The following TCF12 variants were observed in gnomAD, a reference collection of about 807,000 sequenced individuals.
The protein encoded by TCF12 is DNA-binding protein HTF4.
Under a neutral mutation model 86.0 loss-of-function variants are expected in TCF12, and 45 were observed. That is an observed-to-expected ratio of 0.52 (90% confidence interval 0.41 to 0.67). The LOEUF (loss-of-function observed/expected upper bound fraction) is 0.67. Ranked by LOEUF, TCF12 falls within the 30% of genes least tolerant of loss-of-function variation. The pLI, the probability that TCF12 is intolerant of heterozygous loss-of-function variation, is 0.00. For synonymous variants in TCF12, 330 were observed against 299.6 expected (o/e 1.10, Z -1.05); for missense variants, 881 against 859.9 (o/e 1.02, Z -0.31).
At chr15:57,264,706 C>T (rs1479436120) in intron 18 of TCF12, among the ~76,000 whole-genome samples, 3 of 152,144 alleles carry the variant, frequency 2.0e-5, no homozygotes, top group African/African-American at 7.2e-5. Flanking sequence ...GAAGCTGTCT[C>T]TCCTAAGGTA....
chr15:57,223,514 T>C (rs978924852), intron 8 of TCF12, among the ~76,000 whole-genome samples: 1 of 152,000 alleles, frequency 6.6e-6, no homozygotes, highest in African/African-American at 2.4e-5. Flanking sequence ...AAGCAAATTT[T>C]TGTCAACTTT....
intron 3 of TCF12, among the ~76,000 whole-genome samples, chr15:56,947,055 C>T (rs1053709756): frequency 4.6e-5 from 7 of 152,122 alleles, no homozygotes; most frequent in African/African-American, 7.2e-5. Context: ...TCCTCGGCTT[C>T]GCAAATTGCT....
At chr15:56,946,219 G>T (rs1159605830) in intron 3 of TCF12, among the ~76,000 whole-genome samples, 2 of 151,984 alleles carry the variant, frequency 1.3e-5, no homozygotes, top group Admixed American at 6.6e-5. Context: ...TTCCTTCTAG[G>T]ACTTCAATTA....
chr15:57,213,254 G>A (rs1273771718), intron 8 of TCF12, among the ~76,000 whole-genome samples: 1 of 152,138 alleles, frequency 6.6e-6, no homozygotes, highest in Admixed American at 6.5e-5. Flanking sequence ...TGTTAAGAAT[G>A]GTCACCAGAA....
rs568662565 is a variant in TCF12 at position 57,056,352 on chromosome 15, A to G, written c.149-7398A>G. 1.6e-4 allele frequency among the ~76,000 whole-genome samples: 25 copies of G among 151,902 alleles called. No individual in the cohort carries two copies. The East Asian group carries it at 3.3e-3, about 20-fold the overall frequency. On this transcript the variant is annotated intron_variant, in intron 3 of 20. Coordinates refer to ENST00000333725, the MANE Select transcript of TCF12 (RefSeq NM_207037.2). ...AGATGGGGTGTCAGCATGTTGGTCA[A>G]TCTGGTCTCGAACTCCTGACCTCAG...
chr15:57,104,323 A>T (rs1276461525), intron 5 of TCF12, among the ~76,000 whole-genome samples: 4 of 151,788 alleles, frequency 2.6e-5, no homozygotes, highest in Non-Finnish European at 5.9e-5. Context: ...CAAAAATATT[A>T]TTGGCAGACT....
chr15:57,209,255 T>A (rs1425953465), intron 8 of TCF12, among the ~76,000 whole-genome samples: 1 of 152,212 alleles, frequency 6.6e-6, no homozygotes, highest in African/African-American at 2.4e-5. Flanking sequence ...AACTGAATTA[T>A]ATGTCCCATT....
chr15:57,009,639 G>C (rs2064699999), intron 3 of TCF12, among the ~76,000 whole-genome samples: 1 of 152,184 alleles, frequency 6.6e-6, no homozygotes, highest in African/African-American at 2.4e-5. Flanking sequence ...TTTACAGCAA[G>C]GGAGTTGGAG....
chr15:56,925,528 G>C (rs1481623701), intron 3 of TCF12, among the ~76,000 whole-genome samples: 2 of 152,032 alleles, frequency 1.3e-5, no homozygotes, highest in Non-Finnish European at 2.9e-5. Flanking sequence ...ATACTTAATT[G>C]GGCAATAAAC....
At chr15:57,121,125 C>G (rs993115855) in intron 5 of TCF12, among the ~76,000 whole-genome samples, 1 of 152,162 alleles carries the variant, frequency 6.6e-6, no homozygotes, top group Non-Finnish European at 1.5e-5. Flanking sequence ...CTGGAGCTGA[C>G]ATACATTCCA....
Position 57,104,435 on chromosome 15 carries a change from C to CTTTT in TCF12, c.325+12565_325+12568dup, listed in dbSNP as rs71113062. 2.1e-3 allele frequency among the ~76,000 whole-genome samples: 214 copies of CTTTT among 103,222 alleles called. 2 individuals are homozygous for CTTTT. The highest frequency in any genetic ancestry group is 3.2e-3 in the Admixed American group (26 of 8,036). The allele number at this position is 103,222 out of a possible 152,430, so 67.7% of individuals were successfully genotyped here. A position where few individuals can be genotyped will look rare whatever the true frequency, so the allele number is the denominator to read the frequency against. ...AGCCACAAGAATAAATTTTTTTTTT[C>CTTTT]TTTTTTTTTTTTTTTTTTTTTTTTG... On this transcript the variant is annotated intron_variant, in intron 5 of 20. Transcript: ENST00000333725.
intron 5 of TCF12, among the ~76,000 whole-genome samples, chr15:57,144,590 A>T (rs533383743): frequency 1.4e-3 from 215 of 152,244 alleles, no homozygotes; most frequent in Non-Finnish European, 2.7e-3. Context: ...AAATGACGTA[A>T]CTTCGTTTGT....
intron 5 of TCF12, among the ~76,000 whole-genome samples, chr15:57,126,645 G>A (rs1416711690): frequency 1.3e-5 from 2 of 152,094 alleles, no homozygotes; most frequent in African/African-American, 2.4e-5. Context: ...TGTCATTGAT[G>A]TGCCCTAAAC....
chr15:57,005,458 C>G (rs929050897), intron 3 of TCF12, among the ~76,000 whole-genome samples: 2 of 152,208 alleles, frequency 1.3e-5, no homozygotes, highest in African/African-American at 4.8e-5. Flanking sequence ...TCAACTGTCT[C>G]CCATAGATCT....
At chr15:57,197,917 G>A (rs1463545616) in intron 8 of TCF12, 92 bp downstream of exon 8, 26 of 1,250,700 alleles carry the variant, frequency 2.1e-5, no homozygotes, top group Middle Eastern at 3.8e-4. Flanking sequence ...CGATTGATGC[G>A]AGTGGGCATA....
At chr15:57,133,805 T>C (rs1293068753) in intron 5 of TCF12, among the ~76,000 whole-genome samples, 1 of 152,242 alleles carries the variant, frequency 6.6e-6, no homozygotes, top group Non-Finnish European at 1.5e-5. Context: ...ACTCCTTCTG[T>C]CTAGGATGTT....
chr15:56,973,380 C>T (rs1011430798), intron 3 of TCF12, among the ~76,000 whole-genome samples: 1 of 151,984 alleles, frequency 6.6e-6, no homozygotes, highest in Non-Finnish European at 1.5e-5. Context: ...AGCAAAAGGG[C>T]ACAGGATATT....
At chr15:57,103,129 A>G (rs941910323) in intron 5 of TCF12, among the ~76,000 whole-genome samples, 3 of 152,208 alleles carry the variant, frequency 2.0e-5, no homozygotes, top group African/African-American at 7.2e-5. Context: ...TAAAAAAAGT[A>G]TACTGTTGCT....
At position 57,215,619 on chromosome 15, in the gene TCF12, G is replaced by A. The variant is rs1171179470; in HGVS notation, c.580-15533G>A. ...AGATCTTCTGGCTTTTGGGACAGTG[G>A]AATGTTGCCTGTTTGTTTTAGAAGA... On this transcript the variant is annotated intron_variant, in intron 8 of 20. Coordinates refer to ENST00000333725, the MANE Select transcript of TCF12 (RefSeq NM_207037.2). 2.6e-5 allele frequency among the ~76,000 whole-genome samples: 4 copies of A among 152,092 alleles called. No homozygotes were observed. The East Asian group carries it at 5.8e-4, about 22-fold the overall frequency.
Sources: gnomAD v4.1 joint callset for allele counts (sites outside exome capture counted in the v4.1 genomes callset) on GRCh38, gnomAD v4.1.1 for gene constraint, MANE v1.5 for transcripts, NCBI Gene and HGNC (gene_info 2026-07-23, HGNC 2026-07-21) for gene names.